The following MTMR3 variants were observed in gnomAD, a reference collection of about 807,000 sequenced individuals.
MTMR3 encodes the protein myotubularin related protein 3.
MTMR3 carries 32 observed loss-of-function variants against 132.4 expected under a neutral mutation model. The ratio of observed to expected loss-of-function variants is 0.24; its 90% CI spans 0.18 to 0.32. The LOEUF (loss-of-function observed/expected upper bound fraction) is 0.32, where lower values mean the gene tolerates loss of function less well. Among genes scored for constraint, MTMR3 ranks in the 10% least tolerant of loss-of-function variants. MTMR3 has a pLI of 1.00. For synonymous variants in MTMR3, 556 were observed against 550.3 expected (o/e 1.01, Z -0.14); for missense variants, 1,216 against 1,489.6 (o/e 0.82, Z 3.02).
At chr22:30,019,218 A>AT in intron 16 of MTMR3, 2 of 354,972 alleles carry the variant, frequency 5.6e-6, no homozygotes, top group Non-Finnish European at 5.1e-6. Context: ...AAAAAAAAAA[A>AT]GAAAATAGCA....
intron 1 of MTMR3, among the ~76,000 whole-genome samples, chr22:29,926,081 A>G (rs2065511328): frequency 6.6e-6 from 1 of 152,114 alleles, no homozygotes; most frequent in Non-Finnish European, 1.5e-5. Flanking sequence ...CGCAACTGCT[A>G]GTTGATTTTC....
At position 29,978,444 on chromosome 22, in the gene MTMR3, T is replaced by C. The variant is rs145821228; in HGVS notation, c.6T>C (p.Asp2=). ...TTTAAGGTTTTGGACTTTTCCAGGA[T>C]GAAGAGACTCGGCACAGCCTTGAGT... M[D]EETRHSLECI... Residue 2 remains aspartate (D), a splice_region_variant and synonymous_variant, in exon 4 of 20, where the codon GAT becomes GAC. Coordinates refer to ENST00000401950, the MANE Select transcript of MTMR3 (RefSeq NM_021090.4). 49 of 1,611,156 alleles carry C rather than the reference T, an allele frequency of 3.0e-5. No homozygotes were observed. The highest frequency in any genetic ancestry group is 3.6e-5 in the Non-Finnish European group (43 of 1,178,172).
chr22:29,946,436 G>T (rs751385452), intron 1 of MTMR3, among the ~76,000 whole-genome samples: 1 of 152,150 alleles, frequency 6.6e-6, no homozygotes, highest in Non-Finnish European at 1.5e-5. Context: ...CTGAGGGCTC[G>T]AGAGAAAGGC....
intron 2 of MTMR3, among the ~76,000 whole-genome samples, chr22:29,966,395 A>T (rs556393028): frequency 6.6e-6 from 1 of 152,304 alleles, no homozygotes; most frequent in South Asian, 2.1e-4. Flanking sequence ...TGACATGGTC[A>T]CTTAAGTCTC....
chr22:29,913,751 T>G (rs1006326637), intron 1 of MTMR3, among the ~76,000 whole-genome samples: 3 of 150,718 alleles, frequency 2.0e-5, no homozygotes, highest in African/African-American at 7.3e-5. Context: ...AGGTTTTGGG[T>G]TTATTTATTT....
chr22:29,961,505 T>G (rs2066311177), intron 2 of MTMR3, among the ~76,000 whole-genome samples: 1 of 152,170 alleles, frequency 6.6e-6, no homozygotes, highest in South Asian at 2.1e-4. Context: ...AATGTGTGTC[T>G]TTGTACACTC....
chr22:29,954,811 C>T (rs2066156408), intron 1 of MTMR3, among the ~76,000 whole-genome samples: 2 of 152,190 alleles, frequency 1.3e-5, no homozygotes, highest in Non-Finnish European at 2.9e-5. Flanking sequence ...ACCTGTTGGA[C>T]GTACATCTAC....
At chr22:29,956,935 C>A (rs1176178679) in intron 1 of MTMR3, 101 bp from the exon 2 acceptor site, 2 of 152,244 alleles carry the variant, frequency 1.3e-5, no homozygotes, top group African/African-American at 4.8e-5. Flanking sequence ...ATTGTCATAG[C>A]ATTATGACTG....
rs542243657 is a variant in MTMR3, at chr22:29,943,734, A to G, written c.-137-13302A>G. Among the ~76,000 whole-genome samples the G allele has an allele frequency of 7.9e-4, 120 of 152,146 alleles. 1 individual carries two copies. The East Asian group carries it at 0.018, about 22-fold the overall frequency. ...GAGGCTCTTATAGTCTTAGAACATGATAGACTTTTAGTTTAGGCATTTTGC... is the reference window on the plus strand; with the variant it reads ...GAGGCTCTTATAGTCTTAGAACATGGTAGACTTTTAGTTTAGGCATTTTGC... On this transcript the variant is annotated intron_variant, in intron 1 of 19. Transcript: ENST00000401950.
At chr22:29,930,820 G>A (rs1045941792) in intron 1 of MTMR3, among the ~76,000 whole-genome samples, 1 of 152,158 alleles carries the variant, frequency 6.6e-6, no homozygotes, top group African/African-American at 2.4e-5. Context: ...GGGCAACATA[G>A]TGAGACCTGT....
At chr22:29,911,824 TATAG>T (rs1456192456) in intron 1 of MTMR3, among the ~76,000 whole-genome samples, 1 of 152,138 alleles carries the variant, frequency 6.6e-6, no homozygotes, top group African/African-American at 2.4e-5. Context: ...TCATAATGGG[TATAG>T]AATTAATCAG....
chr22:29,970,898 TA>T (rs2066519980), intron 2 of MTMR3, 77 bp from the exon 3 acceptor site: 1 of 628,684 alleles, frequency 1.6e-6, no homozygotes, highest in African/African-American at 1.9e-5. Flanking sequence ...TATGGCCGAT[TA>T]GGGGAAAAAC....
intron 9 of MTMR3, 120 bp downstream of exon 9, chr22:30,003,113 A>G (rs2067208293): frequency 2.9e-6 from 2 of 696,502 alleles, no homozygotes; most frequent in Non-Finnish European, 5.0e-6. Context: ...CTTTCTAGGC[A>G]AGGCTGTACT....
At chr22:29,906,020 T>A (rs1455882009) in intron 1 of MTMR3, among the ~76,000 whole-genome samples, 1 of 138,820 alleles carries the variant, frequency 7.2e-6, no homozygotes, top group East Asian at 1.9e-4. Context: ...CAGGATGGCA[T>A]TTTTTTTGTT....
intron 1 of MTMR3, among the ~76,000 whole-genome samples, chr22:29,929,427 G>A (rs1311351980): frequency 2.0e-5 from 3 of 151,938 alleles, no homozygotes; most frequent in Admixed American, 6.6e-5. Context: ...TTATGAAGTC[G>A]ACATGTTTTC....
chr22:29,942,669 T>G (rs2065879874), intron 1 of MTMR3, among the ~76,000 whole-genome samples: 1 of 152,244 alleles, frequency 6.6e-6, no homozygotes, highest in Non-Finnish European at 1.5e-5. Context: ...TCAGGGATGT[T>G]CCTTGCTGAG....
intron 6 of MTMR3, chr22:29,990,776 GT>G (rs1280125875): frequency 6.6e-6 from 1 of 152,118 alleles, no homozygotes; most frequent in African/African-American, 2.4e-5. Context: ...AGAGACGGGA[GT>G]TTTGCCATGT....
At chr22:29,950,966 C>T (rs909407655) in intron 1 of MTMR3, among the ~76,000 whole-genome samples, 3 of 152,088 alleles carry the variant, frequency 2.0e-5, no homozygotes, top group South Asian at 2.1e-4. Flanking sequence ...TCCTGGCCCA[C>T]GTGGTGAAAC....
In MTMR3 at chr22:30,022,069, G is replaced by C. The variant is rs1241325248; in HGVS notation, c.3266G>C (p.Cys1089Ser). ...TCGGAAAGCAATCTGGATCAGAACT[G>C]TTTGTCTCGCTGCAGCACAGAGATT... ...PDSESNLDQN[C>S]LSRCSTEIFS... The change falls in exon 18 of 20, where the codon TGT (cysteine) becomes TCT (serine). Residue 1089 changes from cysteine (C) to serine (S), a missense_variant. Physicochemically the swap from Cys to Ser is moderately radical, Grantham distance 112 (BLOSUM62 -1). Transcript: ENST00000401950. 1 of 1,614,112 alleles carries C rather than the reference G, an allele frequency of 6.2e-7. No homozygotes were observed. Among genetic ancestry groups the C allele is most frequent in the Non-Finnish European group, 8.5e-7 (1 of 1,180,044 alleles).
Sources: gnomAD v4.1 joint callset for allele counts (sites outside exome capture counted in the v4.1 genomes callset) on GRCh38, gnomAD v4.1.1 for gene constraint, MANE v1.5 for transcripts, NCBI Gene and HGNC (gene_info 2026-07-23, HGNC 2026-07-21) for gene names.